CFAP184: variants seen among roughly 807,000 people sequenced by gnomAD.
The protein encoded by CFAP184 is cilia and flagella associated protein 184.
At chr4:7,042,730 G>A in the CFAP184 span, 1 of 1,519,220 alleles carries the variant, frequency 6.6e-7, no homozygotes, top group Non-Finnish European at 8.8e-7. Flanking sequence ...TAGCCCTTTC[G>A]GGGCCTCGGC....
the CFAP184 span, chr4:7,042,091 G>C: frequency 6.2e-7 from 1 of 1,609,598 alleles, no homozygotes. Flanking sequence ...GCGCAGGTAC[G>C]CTTGCTCTTT....
the CFAP184 span, chr4:7,042,621 C>T: frequency 3.3e-6 from 5 of 1,512,060 alleles, no homozygotes; most frequent in Non-Finnish European, 4.4e-6. Context: ...GGGCGGGCTC[C>T]TCAGCCCCAA....
the CFAP184 span, chr4:7,041,628 G>A: frequency 1.2e-6 from 2 of 1,614,166 alleles, no homozygotes; most frequent in Non-Finnish European, 8.5e-7. Context: ...GCACACTGTT[G>A]GTCACCTTGC....
chr4:7,042,679 G>C, the CFAP184 span: 1 of 1,507,860 alleles, frequency 6.6e-7, no homozygotes, highest in East Asian at 2.5e-5. Context: ...CGGCCTCCCC[G>C]GCTCTCCAGG....
At chr4:7,041,153 A>G in the CFAP184 span, 2 of 1,431,316 alleles carry the variant, frequency 1.4e-6, no homozygotes, top group East Asian at 2.3e-5. Flanking sequence ...TGAGATAAAT[A>G]CAAAATAGAG....
At chr4:7,042,190 T>G in the CFAP184 span, 1 of 1,600,842 alleles carries the variant, frequency 6.2e-7, no homozygotes, top group South Asian at 1.1e-5. Flanking sequence ...GATCTTGTGC[T>G]GCAGGTATAG....
the CFAP184 span, chr4:7,042,684 T>C: frequency 6.6e-7 from 1 of 1,510,630 alleles, no homozygotes; most frequent in South Asian, 1.3e-5. Flanking sequence ...TCCCCGGCTC[T>C]CCAGGCCCCT....
At chr4:7,041,734 C>T in the CFAP184 span, 1 of 1,614,156 alleles carries the variant, frequency 6.2e-7, no homozygotes, top group Admixed American at 1.7e-5. Context: ...AAGAAGCAGA[C>T]CCTGGGTCAG....
the CFAP184 span, chr4:7,042,563 C>T: frequency 2.6e-6 from 4 of 1,565,084 alleles, no homozygotes; most frequent in Admixed American, 3.6e-5. Flanking sequence ...AGTTCCTCCG[C>T]CCCCGCCTCC....
At chr4:7,042,669 C>A in the CFAP184 span, 1 of 1,503,410 alleles carries the variant, frequency 6.7e-7, no homozygotes, top group Non-Finnish European at 8.8e-7. Flanking sequence ...GGGGCTCGGC[C>A]GGCCTCCCCG....
chr4:7,042,389 C>T, the CFAP184 span: 3 of 1,612,252 alleles, frequency 1.9e-6, no homozygotes, highest in South Asian at 3.3e-5. Context: ...CCATCCCTCT[C>T]CTTGCTCTCC....
chr4:7,042,383 C>T, the CFAP184 span: 45 of 1,611,992 alleles, frequency 2.8e-5, no homozygotes, highest in Non-Finnish European at 3.6e-5. Context: ...CCTTCCCCAT[C>T]CCTCTCCTTG....
the CFAP184 span, chr4:7,042,311 G>C: frequency 6.3e-7 from 1 of 1,594,594 alleles, no homozygotes; most frequent in Non-Finnish European, 8.6e-7. Flanking sequence ...GACCACTCGA[G>C]GTCCTCAAAC....
chr4:7,042,150 C>T, the CFAP184 span: 6 of 1,602,426 alleles, frequency 3.7e-6, no homozygotes, highest in African/African-American at 6.7e-5. Context: ...CAGCGGCCTC[C>T]AGGCCCTTCT....
At chr4:7,042,441 C>CT in the CFAP184 span, 2 of 1,611,704 alleles carry the variant, frequency 1.2e-6, no homozygotes, top group Non-Finnish European at 1.7e-6. Flanking sequence ...CTTCCTCCCC[C>CT]TCCACCCGCT....
the CFAP184 span, chr4:7,042,225 C>A: frequency 6.3e-6 from 10 of 1,598,304 alleles, no homozygotes; most frequent in African/African-American, 1.2e-4. Context: ...AGCGGTTCCG[C>A]TCCACCAGCA....
chr4:7,042,262 C>A, the CFAP184 span: 1 of 1,593,038 alleles, frequency 6.3e-7, no homozygotes, highest in Non-Finnish European at 8.6e-7. Context: ...CAGGAGGTCG[C>A]TGCGCAGCTG....
the CFAP184 span, chr4:7,042,540 T>TGCCGCCTGCTCCAGTTCCTCC: frequency 1.9e-6 from 3 of 1,591,296 alleles, no homozygotes; most frequent in African/African-American, 1.3e-5. Flanking sequence ...CCTTCCCCTC[T>TGCCGCCTGCTCCAGTTCCTCC]GCCGCCTGCT....
At chr4:7,042,133 G>T in the CFAP184 span, 1 of 1,606,574 alleles carries the variant, frequency 6.2e-7, no homozygotes. Flanking sequence ...GCCCCGGTCA[G>T]CCACCTCAGC....
Sources: gnomAD v4.1 joint callset for allele counts on GRCh38, gnomAD v4.1.1 for gene constraint, MANE v1.5 for transcripts, NCBI Gene and HGNC (gene_info 2026-07-23, HGNC 2026-07-21) for gene names.